The following SEC24D variants were observed in gnomAD, a reference collection of about 807,000 sequenced individuals.
The protein encoded by SEC24D is SEC24 homolog D, COPII component.
A neutral mutation model predicts 116.9 loss-of-function variants in SEC24D; 69 were observed. The ratio of observed to expected loss-of-function variants is 0.59; its 90% CI spans 0.49 to 0.72. The LOEUF (loss-of-function observed/expected upper bound fraction) is 0.72, where lower values mean the gene tolerates loss of function less well. SEC24D is among the 30% of genes least tolerant of loss of function. The probability of loss-of-function intolerance (pLI) is 0.00; values close to 1 mark genes in which losing one functional copy is unlikely to be tolerated. For missense variants in SEC24D, 1,131 were observed against 1,264.1 expected (o/e 0.89, Z 1.60); for synonymous variants, 405 against 442.8 (o/e 0.91, Z 1.07).
Position 118,797,784 on chromosome 4 carries a change from A to C in SEC24D, c.940T>G (p.Cys314Gly). The C allele has an allele frequency of 6.2e-7, 1 of 1,607,108 alleles. No individual in the cohort carries two copies. Among genetic ancestry groups the C allele is most frequent in the South Asian group, 1.1e-5 (1 of 90,092 alleles). ...GTGCATGGAAAACAGTATGTTGTAC[A>C]ACGGATGAATCGAGGACTGGCATTT... ...QGNASPRFIR[C>G]TTYCFPCTSD... Residue 314 changes from cysteine (C) to glycine (G), a missense_variant, in exon 8 of 23, where the codon TGT (cysteine) becomes GGT (glycine). Coordinates refer to ENST00000280551, the MANE Select transcript of SEC24D (RefSeq NM_014822.4).
Position 118,797,768 on chromosome 4 carries a change from A to G in SEC24D, c.956T>C (p.Phe319Ser). 6.2e-7 allele frequency: 1 copy of G among 1,611,708 alleles called. No individual in the cohort carries two copies. Among genetic ancestry groups the G allele is most frequent in the Non-Finnish European group, 8.5e-7 (1 of 1,178,274 alleles). Residue 319 changes from phenylalanine to serine, a missense_variant, in exon 8 of 23, where the codon TTT (phenylalanine) becomes TCT (serine). Physicochemically the swap from Phe to Ser is radical, Grantham distance 155. Transcript: ENST00000280551. ...PRFIRCTTYC[F>S]PCTSDMAKQA... ...CTTAGCCATATCTGACGTGCATGGA[A>G]AACAGTATGTTGTACAACGGATGAA...
chr4:118,798,173 A>G (rs1199016008), intron 7 of SEC24D, among the ~76,000 whole-genome samples: 2 of 152,220 alleles, frequency 1.3e-5, no homozygotes, highest in Non-Finnish European at 2.9e-5. Flanking sequence ...ATGACAGAAC[A>G]AAACTTTTGA....
At chr4:118,730,505 C>T (rs953589438) in intron 21 of SEC24D, 3 of 152,198 alleles carry the variant, frequency 2.0e-5, no homozygotes, top group Non-Finnish European at 4.4e-5. Flanking sequence ...AACAACTAGA[C>T]TTAAGCCATC....
At chr4:118,834,828 A>G (rs914548191) in intron 1 of SEC24D, among the ~76,000 whole-genome samples, 6 of 152,350 alleles carry the variant, frequency 3.9e-5, no homozygotes, top group African/African-American at 1.4e-4. Flanking sequence ...CTACAATTTA[A>G]GATAAGAGAT....
chr4:118,756,103 C>T (rs2110461150), intron 11 of SEC24D, among the ~76,000 whole-genome samples: 1 of 120,826 alleles, frequency 8.3e-6, no homozygotes, highest in Middle Eastern at 4.0e-3. Flanking sequence ...TAAGTTGAAC[C>T]AGTTTGAGAG....
intron 5 of SEC24D, 68 bp from the exon 6 acceptor site, chr4:118,815,223 T>C: frequency 1.3e-6 from 2 of 1,568,146 alleles, no homozygotes; most frequent in South Asian, 1.1e-5. Context: ...TTGTTGACGA[T>C]ATTATGCTGT....
rs757676887 is a variant in SEC24D, at chr4:118,805,885, T to G, written c.871A>C (p.Ile291Leu). The G allele has an allele frequency of 6.3e-7, 1 of 1,595,970 alleles. No homozygotes were observed. The highest frequency in any genetic ancestry group is 1.2e-5 in the South Asian group (1 of 86,132). ...CAATCTGTAGTGACCAGGGGAGGGATCTGGCCTCTGGTGTTGGTGGCATAA... is the reference window on the plus strand; with the variant it reads ...CAATCTGTAGTGACCAGGGGAGGGAGCTGGCCTCTGGTGTTGGTGGCATAA... The part of the protein sequence containing the change: ...QVYATNTRGQ[I>L]PPLVTTDCMI... Residue 291 changes from isoleucine (I) to leucine (L), a missense_variant, in exon 7 of 23, where the codon ATC (isoleucine) becomes CTC (leucine). Ile to Leu is a conservative substitution (Grantham distance 5, BLOSUM62 2). Coordinates refer to ENST00000280551, the MANE Select transcript of SEC24D (RefSeq NM_014822.4).
intron 3 of SEC24D, among the ~76,000 whole-genome samples, chr4:118,822,130 G>A (rs116173968): frequency 1.3e-3 from 192 of 152,306 alleles, no homozygotes; most frequent in African/African-American, 4.6e-3. Context: ...CAAATGCTAA[G>A]GTGTTGAGTC....
At chr4:118,791,350 G>A (rs891517317) in intron 8 of SEC24D, among the ~76,000 whole-genome samples, 1 of 152,132 alleles carries the variant, frequency 6.6e-6, no homozygotes, top group African/African-American at 2.4e-5. Flanking sequence ...GAGCACTTTA[G>A]ACACCAGAGT....
chr4:118,815,772 A>C lies in SEC24D; in HGVS notation c.398-46T>G, dbSNP rs533035867. The C allele has an allele frequency of 6.3e-6, 10 of 1,594,664 alleles. No homozygotes were observed. In the East Asian group the frequency reaches 2.2e-4, roughly 36 times the overall value. On this transcript the variant is annotated intron_variant, in intron 4 of 22. Transcript: ENST00000280551. ...GCCCACTTAAATACCACATTTCTCA[A>C]CTCTCTGACTTCTGCAAAGTACATG...
intron 11 of SEC24D, among the ~76,000 whole-genome samples, chr4:118,754,562 C>CT (rs1726992574): frequency 6.6e-6 from 1 of 152,118 alleles, no homozygotes; most frequent in African/African-American, 2.4e-5. Context: ...TATCTGTCCC[C>CT]TGAGGGTCGG....
chr4:118,802,610 G>A (rs1729491704), intron 7 of SEC24D, among the ~76,000 whole-genome samples: 1 of 152,188 alleles, frequency 6.6e-6, no homozygotes, highest in South Asian at 2.1e-4. Flanking sequence ...CTTGCCAAGG[G>A]CTAGGCTGCA....
intron 12 of SEC24D, 121 bp from the exon 13 acceptor site, chr4:118,752,210 A>C: frequency 1.6e-6 from 1 of 635,942 alleles, no homozygotes; most frequent in Non-Finnish European, 2.7e-6. Flanking sequence ...ACCAACACCT[A>C]TAGGTAATTT....
At chr4:118,799,206 A>G (rs1729315488) in intron 7 of SEC24D, among the ~76,000 whole-genome samples, 1 of 152,228 alleles carries the variant, frequency 6.6e-6, no homozygotes, top group South Asian at 2.1e-4. Flanking sequence ...TGTTAAGGGC[A>G]TATAAGGTGT....
At chr4:118,789,784 C>T (rs185465135) in intron 8 of SEC24D, among the ~76,000 whole-genome samples, 81 of 152,258 alleles carry the variant, frequency 5.3e-4, no homozygotes, top group Non-Finnish European at 5.9e-5. Context: ...TGGGGTTTCA[C>T]CATGTTAGCC....
rs549915520 is a variant in SEC24D at position 118,785,795 on chromosome 4, T to TATAATAGCTAGAACCACTG, written c.1041+11869_1041+11887dup. On this transcript the variant is annotated intron_variant, in intron 8 of 22. Coordinates refer to ENST00000280551, the MANE Select transcript of SEC24D (RefSeq NM_014822.4). ...GTCTAATTCAGTTTCCTCCTTCTTATATAATAGCTAGAACCACTGAAGGGG... is the reference window on the plus strand; with the variant it reads ...GTCTAATTCAGTTTCCTCCTTCTTATATAATAGCTAGAACCACTGATAATAGCTAGAACCACTGAAGGGG... Among the ~76,000 whole-genome samples, 45 of 152,310 alleles carry TATAATAGCTAGAACCACTG rather than the reference T, an allele frequency of 3.0e-4. 3 individuals carry two copies. In the South Asian group the frequency reaches 9.3e-3, roughly 32 times the overall value.
chr4:118,795,456 G>A (rs540434726), intron 8 of SEC24D, among the ~76,000 whole-genome samples: 6 of 152,102 alleles, frequency 3.9e-5, no homozygotes, highest in South Asian at 2.1e-4. Context: ...TGATTCACCC[G>A]CCTCAGCCTT....
At chr4:118,809,949 T>A (rs186444765) in intron 6 of SEC24D, among the ~76,000 whole-genome samples, 1 of 152,122 alleles carries the variant, frequency 6.6e-6, no homozygotes, top group African/African-American at 2.4e-5. Flanking sequence ...GAAGAGCATC[T>A]AAGCAGAATA....
chr4:118,747,864 C>T (rs1329536442), intron 13 of SEC24D, among the ~76,000 whole-genome samples: 3 of 152,122 alleles, frequency 2.0e-5, no homozygotes, highest in Admixed American at 6.5e-5. Flanking sequence ...CTCAATTATC[C>T]CATGACATAG....
Sources: gnomAD v4.1 joint callset for allele counts (sites outside exome capture counted in the v4.1 genomes callset) on GRCh38, gnomAD v4.1.1 for gene constraint, MANE v1.5 for transcripts, NCBI Gene and HGNC (gene_info 2026-07-23, HGNC 2026-07-21) for gene names.